RBFOX1: variants seen among roughly 807,000 people sequenced by gnomAD.
RBFOX1 encodes RNA binding protein fox-1 homolog 1.
Under a neutral mutation model 57.7 loss-of-function variants are expected in RBFOX1, and 8 were observed. The ratio of observed to expected loss-of-function variants is 0.14; its 90% confidence interval spans 0.08 to 0.25. The LOEUF (loss-of-function observed/expected upper bound fraction) is 0.25. RBFOX1 is among the 10% of genes least tolerant of loss of function. The pLI, the probability that RBFOX1 is intolerant of heterozygous loss-of-function variation, is 1.00. For synonymous variants in RBFOX1, 326 were observed against 222.4 expected (o/e 1.47, Z -4.15); for missense variants, 611 against 548.5 (o/e 1.11, Z -1.14).
intron 2 of RBFOX1, among the ~76,000 whole-genome samples, chr16:5,467,410 C>T (rs1435926541): frequency 6.6e-6 from 1 of 152,136 alleles, no homozygotes; most frequent in Non-Finnish European, 1.5e-5. Flanking sequence ...AAGAAGGTCA[C>T]TACTAATTGA....
chr16:5,511,643 A>G (rs533280212), intron 2 of RBFOX1, among the ~76,000 whole-genome samples: 41 of 152,228 alleles, frequency 2.7e-4, no homozygotes, highest in Admixed American at 1.2e-3. Flanking sequence ...GTTTATCCCC[A>G]TTTTATAGAA....
rs2067514572 is a variant in RBFOX1, at chr16:5,425,108, TC to T, written c.220-42107del. ...ATCTATCTATCTATCTATCTATCTA[TC>T]TATCTATCTATCTTGAGACAGAGTC... is the stretch of plus-strand genomic sequence containing the variant. On this transcript the variant is annotated intron_variant, in intron 1 of 2. Coordinates refer to the RBFOX1 transcript ENST00000585867. 1.4e-5 allele frequency among the ~76,000 whole-genome samples: 2 copies of T among 147,762 alleles called. 1 individual carries two copies. The highest frequency in any genetic ancestry group is 4.3e-4 in the South Asian group (2 of 4,610).
chr16:5,387,997 G>A (rs761484476), intron 1 of RBFOX1, among the ~76,000 whole-genome samples: 1 of 152,168 alleles, frequency 6.6e-6, no homozygotes, highest in Non-Finnish European at 1.5e-5. Context: ...AATGCAGGTG[G>A]CCTCTAGAAA....
intron 3 of RBFOX1, among the ~76,000 whole-genome samples, chr16:7,043,102 C>T (rs982778291): frequency 6.9e-6 from 1 of 144,670 alleles, no homozygotes; most frequent in East Asian, 2.2e-4. Flanking sequence ...TATCTTGTTT[C>T]TGTATCCTTG....
At chr16:7,474,418 A>G (rs1034729689) in intron 4 of RBFOX1, among the ~76,000 whole-genome samples, 1 of 152,142 alleles carries the variant, frequency 6.6e-6, no homozygotes, top group Non-Finnish European at 1.5e-5. Flanking sequence ...AAGGTCATGT[A>G]TTCATGCTTC....
intron 3 of RBFOX1, among the ~76,000 whole-genome samples, chr16:7,025,482 C>G (rs2040623391): frequency 6.6e-6 from 1 of 152,168 alleles, no homozygotes; most frequent in Admixed American, 6.5e-5. Context: ...TAGTAGGTCT[C>G]AGCCTTGTTG....
intron 2 of RBFOX1, among the ~76,000 whole-genome samples, chr16:5,507,737 G>C (rs528927158): frequency 2.6e-5 from 4 of 152,338 alleles, no homozygotes; most frequent in Admixed American, 1.3e-4. Flanking sequence ...GACACACACA[G>C]AGGAAAAAGG....
chr16:5,447,148 C>T lies in RBFOX1; in HGVS notation c.220-20068C>T, dbSNP rs529562106. Among the ~76,000 whole-genome samples, 105 of 152,276 alleles carry T rather than the reference C, an allele frequency of 6.9e-4. 1 individual carries two copies. Among genetic ancestry groups the T allele is most frequent in the African/African-American group, 2.4e-3 (100 of 41,562 alleles). ...CTGCGTCCAGTAGTTTCTCTTTTCACTTCGCAGCCACCCCCTCCCCACCTA... is the reference window on the plus strand; with the variant it reads ...CTGCGTCCAGTAGTTTCTCTTTTCATTTCGCAGCCACCCCCTCCCCACCTA... On this transcript the variant is annotated intron_variant, in intron 1 of 2. Coordinates refer to the RBFOX1 transcript ENST00000585867.
At chr16:7,644,543 C>T (rs553526946) in intron 11 of RBFOX1, among the ~76,000 whole-genome samples, 2 of 152,314 alleles carry the variant, frequency 1.3e-5, no homozygotes, top group South Asian at 4.1e-4. Context: ...TCCTTAGCAA[C>T]TCTCACCCGT....
chr16:6,851,568 C>G (rs1016562072), intron 3 of RBFOX1, among the ~76,000 whole-genome samples: 5 of 152,056 alleles, frequency 3.3e-5, no homozygotes, highest in African/African-American at 7.2e-5. Context: ...TCTCCTCTGC[C>G]AAATTGTAAG....
chr16:6,866,787 C>T (rs542284543), intron 3 of RBFOX1, among the ~76,000 whole-genome samples: 1 of 151,878 alleles, frequency 6.6e-6, no homozygotes, highest in African/African-American at 2.4e-5. Context: ...CGTGATCTGC[C>T]TGCCTTGGCC....
At chr16:6,044,745 C>T (rs1413903511) in intron 1 of RBFOX1, among the ~76,000 whole-genome samples, 2 of 152,174 alleles carry the variant, frequency 1.3e-5, no homozygotes, top group Admixed American at 1.3e-4. Context: ...AACCAAATAA[C>T]ACATACCAAG....
intron 4 of RBFOX1, among the ~76,000 whole-genome samples, chr16:7,453,793 A>G (rs1273250063): frequency 6.6e-6 from 1 of 152,146 alleles, no homozygotes; most frequent in African/African-American, 2.4e-5. Flanking sequence ...CCCTGATGAG[A>G]TTATGAAGCA....
At chr16:6,129,068 A>C (rs1208174185) in intron 1 of RBFOX1, among the ~76,000 whole-genome samples, 1 of 147,592 alleles carries the variant, frequency 6.8e-6, no homozygotes, top group African/African-American at 2.5e-5. Context: ...CATTATTAGC[A>C]CAATCTGGAT....
chr16:6,679,052 C>A (rs1233947629), intron 3 of RBFOX1, among the ~76,000 whole-genome samples: 2 of 152,114 alleles, frequency 1.3e-5, no homozygotes, highest in Non-Finnish European at 2.9e-5. Flanking sequence ...ATCTCTAACA[C>A]CTCTCTAACC....
At chr16:5,257,992 C>T (rs9938099) in intron 1 of RBFOX1, among the ~76,000 whole-genome samples, 51,199 of 151,900 alleles carry the variant, frequency 0.34, 8,841 homozygotes, top group African/African-American at 0.42. Flanking sequence ...GATCCTCCCA[C>T]CTCAGCCTCC....
intron 2 of RBFOX1, among the ~76,000 whole-genome samples, chr16:5,538,158 T>G (rs2044775048): frequency 6.6e-6 from 1 of 152,178 alleles, no homozygotes; most frequent in African/African-American, 2.4e-5. Flanking sequence ...GTCTGTAATC[T>G]AGGGGGAGGG....
At chr16:6,771,129 G>T (rs1387494578) in intron 3 of RBFOX1, among the ~76,000 whole-genome samples, 1 of 152,040 alleles carries the variant, frequency 6.6e-6, no homozygotes, top group Admixed American at 6.6e-5. Context: ...CACACAGAGA[G>T]AATACCATAT....
At chr16:7,523,853 T>C (rs1237193084) in intron 5 of RBFOX1, among the ~76,000 whole-genome samples, 1 of 152,244 alleles carries the variant, frequency 6.6e-6, no homozygotes, top group African/African-American at 2.4e-5. Context: ...ACGTGGTCTA[T>C]GACAAGTTTA....
Sources: gnomAD v4.1 joint callset for allele counts (sites outside exome capture counted in the v4.1 genomes callset) on GRCh38, gnomAD v4.1.1 for gene constraint, MANE v1.5 for transcripts, NCBI Gene and HGNC (gene_info 2026-07-23, HGNC 2026-07-21) for gene names.